The following TBKBP1 variants were observed in gnomAD, a reference collection of about 807,000 sequenced individuals.
TBKBP1 encodes the protein TANK-binding kinase 1-binding protein 1.
TBKBP1 carries 47 observed loss-of-function variants against 69.9 expected under a neutral mutation model. The observed-to-expected ratio is 0.67, with a 90% CI of 0.53 to 0.86. The LOEUF (loss-of-function observed/expected upper bound fraction) is 0.86. Among genes scored for constraint, TBKBP1 ranks in the 40% least tolerant of loss-of-function variants. The pLI, the probability that TBKBP1 is intolerant of heterozygous loss-of-function variation, is 0.00. For missense variants in TBKBP1, 831 were observed against 858.6 expected, an observed-to-expected ratio of 0.97 and a Z score of 0.40; for synonymous variants, 418 against 390.3, an observed-to-expected ratio of 1.07 and a Z score of -0.84.
chr17:47,710,248 C>T (rs2031875583), intron 9 of TBKBP1, among the ~76,000 whole-genome samples: 1 of 152,214 alleles, frequency 6.6e-6, no homozygotes. Flanking sequence ...CTTGGCTTCT[C>T]TCATTACCAC....
intron 1 of TBKBP1, chr17:47,694,704 C>T (rs2031136849): frequency 2.0e-5 from 3 of 150,902 alleles, no homozygotes; most frequent in Admixed American, 2.0e-4. Context: ...GGGGTGGGCG[C>T]AGAGGGGCGG....
chr17:47,701,006 C>G (rs1192956829), intron 7 of TBKBP1, among the ~76,000 whole-genome samples: 2 of 152,184 alleles, frequency 1.3e-5, no homozygotes, highest in Non-Finnish European at 2.9e-5. Flanking sequence ...ACTCCCTACT[C>G]TAATTGGAGG....
intron 1 of TBKBP1, 32 bp from the exon 2 acceptor site, chr17:47,696,047 G>A (rs1236048678): frequency 5.4e-6 from 7 of 1,292,026 alleles, no homozygotes; most frequent in South Asian, 2.7e-5. Flanking sequence ...CTAGACAGAC[G>A]GCCCTGTCCA....
rs114647084 is a variant in TBKBP1 at position 47,710,984 on chromosome 17, G to A, written c.*358G>A. On this transcript the variant is annotated 3_prime_UTR_variant, in exon 10 of 10. Transcript: ENST00000578982. ...GTGCTTGGGCCTGGGGTGGGGGGAAGGTGTTAGAGGACTCCAGGAGCTCCT... is the reference window on the plus strand; with the variant it reads ...GTGCTTGGGCCTGGGGTGGGGGGAAAGTGTTAGAGGACTCCAGGAGCTCCT... The A allele has an allele frequency of 1.5e-3, 266 of 179,826 alleles. 1 individual carries two copies. The highest frequency in any genetic ancestry group is 6.0e-3 in the African/African-American group (254 of 42,590). The allele number at this position is 179,826 out of a possible 1,614,324, so 11.1% of individuals were successfully genotyped here.
In TBKBP1 at chr17:47,699,362, G is replaced by T. The variant is rs538496762; in HGVS notation, c.677G>T (p.Arg226Leu). 2 of 1,552,432 alleles carry T rather than the reference G, an allele frequency of 1.3e-6. No individual in the cohort carries two copies. The highest frequency in any genetic ancestry group is 2.4e-5 in the South Asian group (2 of 82,250). Residue 226 changes from arginine to leucine, a missense_variant, in exon 6 of 10, where the codon CGG becomes CTG. Transcript: ENST00000578982. ...GSTPSVSDLE[R>L]RRLEEALEAA... ...ACACCCAGTGTGAGTGACCTGGAGC[G>T]GCGGCGGCTAGAAGAGGCTTTGGAG...
intron 7 of TBKBP1, among the ~76,000 whole-genome samples, chr17:47,701,668 C>G: frequency 6.6e-6 from 1 of 152,090 alleles, no homozygotes; most frequent in East Asian, 1.9e-4. Context: ...GAAGGTGAGG[C>G]GGTGGGTAGA....
chr17:47,708,025 C>T lies in TBKBP1; in HGVS notation c.873-369C>T, dbSNP rs1303942380. ...TCGGTGCTTTAATTCATCATCACAGCTTTTGCACAGATTAGAAAAACATTC... is the reference window on the plus strand; with the variant it reads ...TCGGTGCTTTAATTCATCATCACAGTTTTTGCACAGATTAGAAAAACATTC... On this transcript the variant is annotated intron_variant, in intron 7 of 9. Coordinates refer to ENST00000578982, the MANE Select transcript of TBKBP1 (RefSeq NM_001394755.1). This position sits in a 1 kb window ranked among gnomAD's most constrained non-coding sequence, Gnocchi z 4.4. Among the ~76,000 whole-genome samples, 2 of 152,210 alleles carry T rather than the reference C, an allele frequency of 1.3e-5. No individual in the cohort carries two copies. The highest frequency in any genetic ancestry group is 6.5e-5 in the Admixed American group (1 of 15,284).
At chr17:47,706,580 G>A (rs1030088112) in intron 7 of TBKBP1, among the ~76,000 whole-genome samples, 4 of 152,134 alleles carry the variant, frequency 2.6e-5, no homozygotes, top group Non-Finnish European at 4.4e-5. Context: ...GATGGGTGGC[G>A]AGGACTCCCT....
In TBKBP1 at chr17:47,695,641, T is replaced by G. The variant is rs556059521; in HGVS notation, c.-34-438T>G. On this transcript the variant is annotated intron_variant, in intron 1 of 9. Coordinates refer to ENST00000578982, the MANE Select transcript of TBKBP1 (RefSeq NM_001394755.1). The stretch of plus-strand genomic sequence containing the variant: ...CCGACCCTCGCGCAGCTCTGGGCCT[T>G]CCTTGGGGAGGAGCTGGGGTGCCAG... 6 of 155,508 alleles carry G rather than the reference T, an allele frequency of 3.9e-5. No homozygotes were observed. The South Asian group carries it at 1.2e-3, about 30-fold the overall frequency. 9.6% of individuals were successfully genotyped at this position (155,508 alleles called of 1,614,324 possible). A position where few individuals can be genotyped will look rare whatever the true frequency, so the allele number is the denominator to read the frequency against.
Position 47,710,676 on chromosome 17 carries a change from C to A in TBKBP1, c.*50C>A. On this transcript the variant is annotated 3_prime_UTR_variant, in exon 10 of 10. Coordinates refer to ENST00000578982, the MANE Select transcript of TBKBP1 (RefSeq NM_001394755.1). Reference sequence around the variant, plus strand: ...TTTCTCCGTCCTCTCCTATCACCCCCAAACACTCACTTTGAATGCTGCATG... The same window carrying A: ...TTTCTCCGTCCTCTCCTATCACCCCAAAACACTCACTTTGAATGCTGCATG... 1 of 1,571,402 alleles carries A rather than the reference C, an allele frequency of 6.4e-7. No homozygotes were observed. The highest frequency in any genetic ancestry group is 1.1e-5 in the South Asian group (1 of 88,690).
chr17:47,706,139 T>C (rs1242674563), intron 7 of TBKBP1, among the ~76,000 whole-genome samples: 1 of 152,116 alleles, frequency 6.6e-6, no homozygotes, highest in African/African-American at 2.4e-5. Context: ...GACCTGTATC[T>C]GTCGCCTGAG....
Position 47,710,791 on chromosome 17 carries a change from A to G in TBKBP1, c.*165A>G. On this transcript the variant is annotated 3_prime_UTR_variant, in exon 10 of 10. Coordinates refer to ENST00000578982, the MANE Select transcript of TBKBP1 (RefSeq NM_001394755.1). ...GTGTGCCATCTTCCCTGGTCCAGGC[A>G]CCACTCAGCTCTGGCTCTTCCTGGG... 3.9e-6 allele frequency: 4 copies of G among 1,019,628 alleles called. No individual in the cohort carries two copies. The highest frequency in any genetic ancestry group is 5.6e-6 in the Non-Finnish European group (4 of 710,820). 63.2% of individuals were successfully genotyped at this position (1,019,628 alleles called of 1,614,324 possible).
chr17:47,697,949 C>CAA lies in TBKBP1; in HGVS notation c.454-621_454-620dup, dbSNP rs1170697190. ...GGGTGACATAGCCAGACCCTGTCTC[C>CAA]AAAAAAAAAAAAAAAAAAAAAAAAA... On this transcript the variant is annotated intron_variant, in intron 4 of 9. Coordinates refer to ENST00000578982, the MANE Select transcript of TBKBP1 (RefSeq NM_001394755.1). Among the ~76,000 whole-genome samples the CAA allele has an allele frequency of 6.6e-3, 244 of 36,922 alleles. 7 individuals are homozygous for CAA. The highest frequency in any genetic ancestry group is 0.012 in the South Asian group (14 of 1,152). The allele number at this position is 36,922 out of a possible 152,430, so 24.2% of individuals were successfully genotyped here.
chr17:47,698,524 G>A (rs2031344235), intron 4 of TBKBP1, 71 bp from the exon 5 acceptor site: 2 of 1,457,566 alleles, frequency 1.4e-6, no homozygotes, highest in African/African-American at 2.8e-5. Flanking sequence ...GCTGTAGTCT[G>A]GGGTGATGAC....
At chr17:47,695,017 T>G (rs993199130) in intron 1 of TBKBP1, among the ~76,000 whole-genome samples, 2 of 151,202 alleles carry the variant, frequency 1.3e-5, no homozygotes, top group African/African-American at 4.9e-5. Context: ...GGGGTGCACA[T>G]AACGCTCCAG....
chr17:47,710,096 G>A (rs1481800816), intron 9 of TBKBP1, among the ~76,000 whole-genome samples: 1 of 152,230 alleles, frequency 6.6e-6, no homozygotes, highest in Non-Finnish European at 1.5e-5. Context: ...GAATGTCAGA[G>A]CCACCCATTG....
Position 47,696,733 on chromosome 17 carries a change from G to C in TBKBP1, c.248G>C (p.Gly83Ala). The change falls in exon 3 of 10, where the codon GGA becomes GCA. Residue 83 changes from glycine to alanine, a missense_variant. Coordinates refer to ENST00000578982, the MANE Select transcript of TBKBP1 (RefSeq NM_001394755.1). ...CAGTACCCACTGATCAGTGACTTTGGAGAGGAGCATGGCTTTTCTCTGTAT... is the reference window on the plus strand; with the variant it reads ...CAGTACCCACTGATCAGTGACTTTGCAGAGGAGCATGGCTTTTCTCTGTAT... ...EIKYPLISDF[G>A]EEHGFSLYEI... is the part of the protein sequence containing the mutation. 3 of 1,614,000 alleles carry C rather than the reference G, an allele frequency of 1.9e-6. No homozygotes were observed. Among genetic ancestry groups the C allele is most frequent in the Non-Finnish European group, 2.5e-6 (3 of 1,179,882 alleles).
intron 9 of TBKBP1, among the ~76,000 whole-genome samples, chr17:47,709,991 C>T (rs1371745323): frequency 6.6e-6 from 1 of 152,226 alleles, no homozygotes; most frequent in Non-Finnish European, 1.5e-5. Flanking sequence ...CAGCTCCCTT[C>T]TTCAGGCCTC....
At chr17:47,700,193 G>A (rs1032559248) in intron 7 of TBKBP1, among the ~76,000 whole-genome samples, 7 of 150,478 alleles carry the variant, frequency 4.7e-5, no homozygotes, top group Admixed American at 1.3e-4. Context: ...GTTTCACTGC[G>A]TTAGCCAGGA....
Sources: gnomAD v4.1 joint callset for allele counts (sites outside exome capture counted in the v4.1 genomes callset) on GRCh38, gnomAD v4.1.1 for gene constraint, Gnocchi (gnomAD v3.1) non-coding constraint, MANE v1.5 for transcripts, NCBI Gene and HGNC (gene_info 2026-07-23, HGNC 2026-07-21) for gene names.